CYRIB: variants seen among roughly 807,000 people sequenced by gnomAD.
The protein encoded by CYRIB is CYFIP-related Rac1 interactor B.
Under a neutral mutation model 44.2 loss-of-function variants are expected in CYRIB, and 8 were observed. The ratio of observed to expected loss-of-function variants is 0.18; its 90% CI spans 0.11 to 0.33. CYRIB has a LOEUF of 0.33. Among genes scored for constraint, CYRIB ranks in the 10% least tolerant of loss-of-function variants. The pLI, the probability that CYRIB is intolerant of heterozygous loss-of-function variation, is 1.00. For synonymous variants in CYRIB, 131 were observed against 127.2 expected (o/e 1.03, Z -0.20); for missense variants, 185 against 382.8 (o/e 0.48, Z 4.31).
At chr8:129,997,041 G>T (rs555345954) in intron 1 of CYRIB, among the ~76,000 whole-genome samples, 1 of 111,980 alleles carries the variant, frequency 8.9e-6, no homozygotes. Flanking sequence ...CCTTTGTGAA[G>T]GAAGGAAGGA....
intron 1 of CYRIB, among the ~76,000 whole-genome samples, chr8:129,978,864 G>A (rs1156566747): frequency 6.6e-5 from 10 of 152,080 alleles, no homozygotes; most frequent in East Asian, 5.8e-4. Context: ...GGCCGGGTGC[G>A]GTGGCTCACG....
chr8:129,968,751 G>A (rs1323675132), intron 2 of CYRIB, among the ~76,000 whole-genome samples: 1 of 152,150 alleles, frequency 6.6e-6, no homozygotes, highest in Non-Finnish European at 1.5e-5. Flanking sequence ...ATGTGTTTAA[G>A]TTCTTGCTGG....
At chr8:129,978,926 A>G (rs2096079422) in intron 1 of CYRIB, among the ~76,000 whole-genome samples, 1 of 152,146 alleles carries the variant, frequency 6.6e-6, no homozygotes, top group Admixed American at 6.6e-5. Context: ...ACTTGAGGCC[A>G]GGAATTCGGG....
chr8:129,932,782 T>C (rs1036526098), intron 1 of CYRIB, among the ~76,000 whole-genome samples: 2 of 152,170 alleles, frequency 1.3e-5, no homozygotes, highest in African/African-American at 4.8e-5. Flanking sequence ...ATAAAGGCCC[T>C]GCAGACTGAG....
intron 1 of CYRIB, among the ~76,000 whole-genome samples, chr8:129,988,106 G>A (rs2096529706): frequency 6.6e-6 from 1 of 152,146 alleles, no homozygotes; most frequent in Non-Finnish European, 1.5e-5. Context: ...CTAAAATGGC[G>A]TCAGCCCCAA....
At chr8:129,997,401 G>A (rs1378717020) in intron 1 of CYRIB, among the ~76,000 whole-genome samples, 1 of 152,172 alleles carries the variant, frequency 6.6e-6, no homozygotes, top group African/African-American at 2.4e-5. Context: ...TTTATTCAGG[G>A]TCTATAAACA....
intron 2 of CYRIB, among the ~76,000 whole-genome samples, chr8:129,891,450 CT>C (rs2065375299): frequency 6.6e-6 from 1 of 152,152 alleles, no homozygotes. Flanking sequence ...TAAAGTGATG[CT>C]TTGATTCTCC....
chr8:129,973,069 G>A (rs979372929), intron 1 of CYRIB, among the ~76,000 whole-genome samples: 16 of 152,178 alleles, frequency 1.1e-4, no homozygotes, highest in Non-Finnish European at 2.9e-5. Context: ...AAGCATTGTG[G>A]CCATGGAAAT....
At chr8:129,905,671 C>A (rs565202763) in intron 1 of CYRIB, among the ~76,000 whole-genome samples, 1 of 152,156 alleles carries the variant, frequency 6.6e-6, no homozygotes, top group South Asian at 2.1e-4. Context: ...CCACTGCAGG[C>A]TCCCAGAAAT....
chr8:129,870,690 C>T (rs568471954), intron 4 of CYRIB, among the ~76,000 whole-genome samples: 6 of 152,168 alleles, frequency 3.9e-5, no homozygotes, highest in African/African-American at 4.8e-5. Context: ...AAACACAGCA[C>T]GGGCAATGGC....
intron 1 of CYRIB, among the ~76,000 whole-genome samples, chr8:129,989,818 C>CG (rs2096582109): frequency 7.2e-6 from 1 of 139,288 alleles, no homozygotes; most frequent in South Asian, 2.5e-4. Context: ...CGACAGGCCC[C>CG]GGTGTGTGAT....
intron 1 of CYRIB, among the ~76,000 whole-genome samples, chr8:129,972,202 T>C (rs2095722323): frequency 6.6e-6 from 1 of 152,222 alleles, no homozygotes; most frequent in African/African-American, 2.4e-5. Flanking sequence ...TTTGCCAGTG[T>C]AGGTTTTCTT....
intron 1 of CYRIB, among the ~76,000 whole-genome samples, chr8:130,012,609 C>T (rs977328204): frequency 1.3e-5 from 2 of 152,236 alleles, no homozygotes; most frequent in East Asian, 1.9e-4. Context: ...TTCCAGGTGG[C>T]GACTGTTAGT....
intron 9 of CYRIB, chr8:129,849,623 C>T (rs1399714231): frequency 2.1e-5 from 7 of 330,554 alleles, no homozygotes; most frequent in Admixed American, 4.7e-5. Context: ...CTGACTTGCC[C>T]CTTTGATCTC....
chr8:129,877,747 T>C lies in CYRIB; in HGVS notation c.73+1642A>G. Among the ~76,000 whole-genome samples the C allele has an allele frequency of 1.3e-5, 2 of 151,422 alleles. 1 individual carries two copies. On this transcript the variant is annotated intron_variant, in intron 3 of 11. Coordinates refer to ENST00000519824, the Ensembl canonical transcript of CYRIB. ...AGATTGGAAAGCCAAGACCAAGTAA[T>C]CTTTTAAATACTACATTTAAATTCA...
At chr8:129,850,346 A>G (rs2042621160) in intron 9 of CYRIB, 1 of 159,468 alleles carries the variant, frequency 6.3e-6, no homozygotes, top group Non-Finnish European at 1.4e-5. Flanking sequence ...AGAGGAGAGA[A>G]AAAAAAACAG....
intron 5 of CYRIB, among the ~76,000 whole-genome samples, chr8:129,856,085 A>G (rs181722347): frequency 5.4e-4 from 82 of 152,358 alleles, no homozygotes; most frequent in Middle Eastern, 3.4e-3. Context: ...ACAGTGTGGA[A>G]TTTGGTTTTA....
chr8:129,849,437 C>T (rs2042097270), intron 9 of CYRIB, 68 bp from the exon 12 acceptor site: 1 of 1,409,110 alleles, frequency 7.1e-7, no homozygotes, highest in East Asian at 2.4e-5. Flanking sequence ...CACACACACA[C>T]AAGAAAAACC....
chr8:129,850,021 G>A (rs2042402878), intron 9 of CYRIB: 1 of 152,164 alleles, frequency 6.6e-6, no homozygotes, highest in South Asian at 2.1e-4. Context: ...GAAAGAGTAC[G>A]GAACCAGGAT....
Sources: gnomAD v4.1 joint callset for allele counts (sites outside exome capture counted in the v4.1 genomes callset) on GRCh38, gnomAD v4.1.1 for gene constraint, MANE v1.5 for transcripts, NCBI Gene and HGNC (gene_info 2026-07-23, HGNC 2026-07-21) for gene names.